Variants in LAMC1 observed in about 807,000 individuals in gnomAD.
LAMC1 encodes laminin subunit gamma 1, also known as laminin subunit gamma-1.
LAMC1 carries 38 observed loss-of-function variants against 173.6 expected under a neutral mutation model. The observed-to-expected ratio is 0.22, with a 90% CI of 0.17 to 0.29. LAMC1 has a LOEUF of 0.29. Ranked by LOEUF, LAMC1 falls within the 10% of genes least tolerant of loss-of-function variation. LAMC1 has a pLI of 1.00. For synonymous variants in LAMC1, 746 were observed against 749.1 expected, an observed-to-expected ratio of 1.00 and a Z score of 0.07; for missense variants, 1,824 against 2,051.8, an observed-to-expected ratio of 0.89 and a Z score of 2.14.
chr1:183,114,504 A>G, intron 4 of LAMC1, 27 bp from the exon 5 acceptor site: 1 of 1,612,328 alleles, frequency 6.2e-7, no homozygotes. Context: ...CCCAGATCTG[A>G]TGTAACTCGT....
intron 1 of LAMC1, among the ~76,000 whole-genome samples, chr1:183,072,858 G>T (rs902636129): frequency 4.6e-5 from 7 of 152,210 alleles, no homozygotes; most frequent in African/African-American, 1.7e-4. Flanking sequence ...CTCTTTATGA[G>T]AATCTAATGC....
rs1377797967 is a variant in LAMC1 at position 183,126,380 on chromosome 1, C to T, written c.2944+118C>T. 5 of 975,218 alleles carry T rather than the reference C, an allele frequency of 5.1e-6. No homozygotes were observed. The Admixed American group carries it at 7.6e-5, about 15-fold the overall frequency. 60.4% of individuals were successfully genotyped at this position (975,218 alleles called of 1,614,324 possible). A position where few individuals can be genotyped will look rare whatever the true frequency, so the allele number is the denominator to read the frequency against. ...CACTTGACTCATAGTCAGGGCTGTA[C>T]CTAAGTCATCGTAGATGCTTTATTT... On this transcript the variant is annotated intron_variant, in intron 16 of 27. Coordinates refer to ENST00000258341, the MANE Select transcript of LAMC1 (RefSeq NM_002293.4).
At chr1:183,091,353 A>G (rs1339327543) in intron 1 of LAMC1, among the ~76,000 whole-genome samples, 1 of 152,186 alleles carries the variant, frequency 6.6e-6, no homozygotes, top group East Asian at 1.9e-4. Context: ...CCTTGTAGCC[A>G]GAAAAGCAGC....
chr1:183,137,695 T>C lies in LAMC1; in HGVS notation c.4341T>C (p.Ala1447=). Reference sequence around the variant, plus strand: ...ATGCCACCAGCACCAAGGCAGAAGCTGAAAGAACTTTTGCAGAAGTTACAG... The same window carrying C: ...ATGCCACCAGCACCAAGGCAGAAGCCGAAAGAACTTTTGCAGAAGTTACAG... The part of the protein sequence containing the change: ...QKNATSTKAE[A]ERTFAEVTDL... The change falls in exon 26 of 28, where the codon GCT becomes GCC. Residue 1447 remains alanine, a synonymous_variant. Coordinates refer to ENST00000258341, the MANE Select transcript of LAMC1 (RefSeq NM_002293.4). 1 of 1,598,234 alleles carries C rather than the reference T, an allele frequency of 6.3e-7. No individual in the cohort carries two copies. Among genetic ancestry groups the C allele is most frequent in the Non-Finnish European group, 8.5e-7 (1 of 1,172,540 alleles).
At chr1:183,142,065 A>G (rs1382637144) in intron 27 of LAMC1, among the ~76,000 whole-genome samples, 1 of 152,186 alleles carries the variant, frequency 6.6e-6, no homozygotes, top group Non-Finnish European at 1.5e-5. Context: ...TAACTCCTGA[A>G]AGCAGAAAGT....
At chr1:183,047,755 A>G (rs569872779) in intron 1 of LAMC1, among the ~76,000 whole-genome samples, 2 of 152,354 alleles carry the variant, frequency 1.3e-5, no homozygotes, top group East Asian at 1.9e-4. Flanking sequence ...GTCCCATACA[A>G]CAAAGAATTG....
rs945256234 is a variant in LAMC1, at chr1:183,127,246, G to A, written c.2965G>A (p.Gly989Arg). Residue 989 changes from glycine (G) to arginine (R), a missense_variant, in exon 17 of 28, where the codon GGA (glycine) becomes AGA (arginine). Gly to Arg is a moderately radical substitution (Grantham distance 125, BLOSUM62 -2). Coordinates refer to ENST00000258341, the MANE Select transcript of LAMC1 (RefSeq NM_002293.4). ...TGCAGCCTGTGACTGTCATCCTGAG[G>A]GATCTCTTTCACTTCAGTGCAAAGA... ...GCKPCDCHPEGSLSLQCKDDG... is the reference protein window; with the variant it reads ...GCKPCDCHPERSLSLQCKDDG... The A allele has an allele frequency of 1.6e-5, 26 of 1,613,926 alleles. No individual in the cohort carries two copies. The highest frequency in any genetic ancestry group is 2.2e-5 in the Non-Finnish European group (26 of 1,179,946).
At chr1:183,055,388 C>G (rs1269826006) in intron 1 of LAMC1, among the ~76,000 whole-genome samples, 1 of 151,926 alleles carries the variant, frequency 6.6e-6, no homozygotes, top group East Asian at 1.9e-4. Context: ...AACTTGATAC[C>G]TGCTTAGGGT....
chr1:183,043,713 T>G (rs1654197353), intron 1 of LAMC1, among the ~76,000 whole-genome samples: 1 of 152,164 alleles, frequency 6.6e-6, no homozygotes, highest in Non-Finnish European at 1.5e-5. Flanking sequence ...GAAAAGTATT[T>G]CTATTCCTCT....
chr1:183,095,104 C>A (rs1571436127), intron 1 of LAMC1, among the ~76,000 whole-genome samples: 1 of 152,152 alleles, frequency 6.6e-6, no homozygotes, highest in East Asian at 1.9e-4. Flanking sequence ...CTTGGCCTCC[C>A]AAAGTGCTGG....
intron 1 of LAMC1, among the ~76,000 whole-genome samples, chr1:183,085,710 T>C (rs913961448): frequency 6.6e-6 from 1 of 152,112 alleles, no homozygotes; most frequent in African/African-American, 2.4e-5. Context: ...TTTGTCCTTA[T>C]AGGCTCCGTT....
chr1:183,035,629 T>C lies in LAMC1; in HGVS notation c.418+11495T>C, dbSNP rs139484104. Among the ~76,000 whole-genome samples, 609 of 152,320 alleles carry C rather than the reference T, an allele frequency of 4.0e-3. 9 individuals are homozygous for C. Among genetic ancestry groups the C allele is most frequent in the Admixed American group, 0.038 (576 of 15,300 alleles). On this transcript the variant is annotated intron_variant, in intron 1 of 27. Coordinates refer to ENST00000258341, the MANE Select transcript of LAMC1 (RefSeq NM_002293.4). ...CCTGGATTTTGTCAGTGTCTGTTGA[T>C]AGAAAAAATATGCTCTACCTGTGAA...
At chr1:183,043,452 A>C (rs1328907038) in intron 1 of LAMC1, among the ~76,000 whole-genome samples, 2 of 152,220 alleles carry the variant, frequency 1.3e-5, no homozygotes, top group Non-Finnish European at 2.9e-5. Flanking sequence ...ACAGATAGTG[A>C]TAAAACTACT....
At chr1:183,117,210 T>A in intron 8 of LAMC1, 110 bp from the exon 9 acceptor site, 1 of 1,166,806 alleles carries the variant, frequency 8.6e-7, no homozygotes, top group Non-Finnish European at 1.2e-6. Flanking sequence ...GGTTTATTGA[T>A]GCCTTTCTGT....
At chr1:183,066,346 C>T (rs1257159471) in intron 1 of LAMC1, among the ~76,000 whole-genome samples, 2 of 152,194 alleles carry the variant, frequency 1.3e-5, no homozygotes, top group East Asian at 1.9e-4. Context: ...AATGCTTTTA[C>T]ACTGTTGATG....
At position 183,142,581 on chromosome 1, in the gene LAMC1, A is replaced by T. The variant is rs750102846; in HGVS notation, c.4621A>T (p.Thr1541Ser). ...DLNKLNEIEG[T>S]LNKAKDEMKV... is the part of the protein sequence containing the mutation. Reference sequence around the variant, plus strand: ...GAATAAGCTAAACGAGATTGAAGGCACCCTAAACAAAGCCAAAGATGAAAT... The same window carrying T: ...GAATAAGCTAAACGAGATTGAAGGCTCCCTAAACAAAGCCAAAGATGAAAT... Residue 1541 changes from threonine to serine, a missense_variant, in exon 28 of 28, where the codon ACC (threonine) becomes TCC (serine). Transcript: ENST00000258341. 6.2e-7 allele frequency: 1 copy of T among 1,614,092 alleles called. No individual in the cohort carries two copies. The highest frequency in any genetic ancestry group is 8.5e-7 in the Non-Finnish European group (1 of 1,179,972).
intron 1 of LAMC1, among the ~76,000 whole-genome samples, chr1:183,079,231 G>GTTTTTTTT (rs1262239438): frequency 2.1e-5 from 2 of 95,620 alleles, no homozygotes; most frequent in Non-Finnish European, 4.0e-5. Context: ...TCTCTAATCT[G>GTTTTTTTT]GTTTTTTTTT....
chr1:183,130,694 A>T, intron 19 of LAMC1, 145 bp downstream of exon 19: 1 of 642,712 alleles, frequency 1.6e-6, no homozygotes, highest in Non-Finnish European at 2.7e-6. Context: ...CAGAAAAGCC[A>T]CATTGCTCAT....
intron 1 of LAMC1, among the ~76,000 whole-genome samples, chr1:183,059,272 G>C (rs1654681838): frequency 1.3e-5 from 2 of 152,232 alleles, no homozygotes; most frequent in Admixed American, 1.3e-4. Flanking sequence ...TTTGAGAGAT[G>C]TTCTGAATAC....
Sources: allele counts gnomAD v4.1 joint callset (sites outside exome capture counted in the v4.1 genomes callset), GRCh38; gene constraint gnomAD v4.1.1; transcripts MANE v1.5; gene names NCBI Gene and HGNC (gene_info 2026-07-23, HGNC 2026-07-21).